ARB2A: variants seen among roughly 807,000 people sequenced by gnomAD.
ARB2A encodes ARB2 cotranscriptional regulator A.
the ARB2A span, among the ~76,000 whole-genome samples, chr5:94,006,175 T>A: frequency 1.3e-5 from 2 of 152,146 alleles, no homozygotes; most frequent in Non-Finnish European, 2.9e-5. Context: ...CTTTGATACA[T>A]CCCTATCATC....
chr5:93,790,399 C>A, the ARB2A span, among the ~76,000 whole-genome samples: 2 of 152,198 alleles, frequency 1.3e-5, no homozygotes, highest in African/African-American at 2.4e-5. Context: ...ACAAATATTA[C>A]TTTAAAAAAG....
the ARB2A span, among the ~76,000 whole-genome samples, chr5:93,718,845 C>A: frequency 1.3e-5 from 2 of 152,158 alleles, no homozygotes; most frequent in African/African-American, 4.8e-5. Flanking sequence ...TTTTTCTCAT[C>A]TCTCTAAAGG....
the ARB2A span, among the ~76,000 whole-genome samples, chr5:94,010,634 C>A: frequency 6.6e-6 from 1 of 152,044 alleles, no homozygotes; most frequent in Admixed American, 6.5e-5. Flanking sequence ...TTCTCTGGAG[C>A]CTTCTCATTT....
chr5:93,738,215 T>A, the ARB2A span: 1 of 158,984 alleles, frequency 6.3e-6, no homozygotes, highest in Non-Finnish European at 1.4e-5. Context: ...ACATCATTAG[T>A]CATTAGAGAA....
chr5:93,922,703 GAAAC>G, the ARB2A span, among the ~76,000 whole-genome samples: 1 of 147,610 alleles, frequency 6.8e-6, no homozygotes, highest in Non-Finnish European at 1.5e-5. Context: ...AGGAAGGAAA[GAAAC>G]AACCAACTTG....
the ARB2A span, among the ~76,000 whole-genome samples, chr5:93,708,530 C>T: frequency 6.6e-6 from 1 of 152,198 alleles, no homozygotes; most frequent in Non-Finnish European, 1.5e-5. Flanking sequence ...TCATAAGAAG[C>T]TCAACCTAGA....
At chr5:94,050,757 GGTTCCATCTGT>G in the ARB2A span, 19 of 1,611,358 alleles carry the variant, frequency 1.2e-5, no homozygotes, top group Non-Finnish European at 1.6e-5. Flanking sequence ...TATCTTTTCT[GGTTCCATCTGT>G]GTAAATCTTC....
At chr5:93,928,836 T>C in the ARB2A span, among the ~76,000 whole-genome samples, 6 of 152,098 alleles carry the variant, frequency 3.9e-5, no homozygotes, top group South Asian at 8.3e-4. Context: ...ATAAAAACTG[T>C]TGATGGGCTA....
chr5:93,821,205 C>T, the ARB2A span, among the ~76,000 whole-genome samples: 1 of 151,964 alleles, frequency 6.6e-6, no homozygotes, highest in South Asian at 2.1e-4. Flanking sequence ...TTTTGAAATT[C>T]ATGACATAAC....
the ARB2A span, among the ~76,000 whole-genome samples, chr5:93,967,796 C>A: frequency 6.6e-6 from 1 of 152,068 alleles, no homozygotes; most frequent in Non-Finnish European, 1.5e-5. Context: ...CCTAGCTGAC[C>A]TGGCAGAAAG....
At chr5:94,091,578 GA>G in the ARB2A span, among the ~76,000 whole-genome samples, 1 of 152,170 alleles carries the variant, frequency 6.6e-6, no homozygotes, top group African/African-American at 2.4e-5. Context: ...ATGAAGAGTG[GA>G]AACTGAAGCA....
chr5:93,630,933 C>A, the ARB2A span, among the ~76,000 whole-genome samples: 1 of 152,042 alleles, frequency 6.6e-6, no homozygotes, highest in Non-Finnish European at 1.5e-5. Flanking sequence ...TGCTTTGTCA[C>A]CCAGGCTGGA....
At chr5:93,934,961 T>A in the ARB2A span, among the ~76,000 whole-genome samples, 17 of 152,114 alleles carry the variant, frequency 1.1e-4, no homozygotes, top group Non-Finnish European at 2.2e-4. Flanking sequence ...TTATTCTAAG[T>A]GAAGTGACTC....
At chr5:93,981,709 T>TA in the ARB2A span, among the ~76,000 whole-genome samples, 1 of 151,924 alleles carries the variant, frequency 6.6e-6, no homozygotes, top group Non-Finnish European at 1.5e-5. Context: ...GGTGAAAGGG[T>TA]AGCTAATATG....
chr5:93,960,605 T>C, the ARB2A span, among the ~76,000 whole-genome samples: 58 of 152,162 alleles, frequency 3.8e-4, no homozygotes, highest in Non-Finnish European at 6.8e-4. Flanking sequence ...ACTTTTGGAA[T>C]GAGGAATCTT....
At chr5:93,967,013 T>C in the ARB2A span, among the ~76,000 whole-genome samples, 1 of 150,080 alleles carries the variant, frequency 6.7e-6, no homozygotes. Flanking sequence ...AAGTTCAAGA[T>C]TTAAAAAAAA....
chr5:93,945,409 C>T, the ARB2A span, among the ~76,000 whole-genome samples: 1 of 132,366 alleles, frequency 7.6e-6, no homozygotes, highest in South Asian at 2.4e-4. Flanking sequence ...AGCAAGATTC[C>T]ATCTCAAAAA....
At chr5:94,044,889 G>A in the ARB2A span, among the ~76,000 whole-genome samples, 1 of 151,870 alleles carries the variant, frequency 6.6e-6, no homozygotes, top group Non-Finnish European at 1.5e-5. Context: ...CTACCAAGGC[G>A]GGTGGATCAC....
At chr5:93,917,910 T>G in the ARB2A span, among the ~76,000 whole-genome samples, 167 of 152,178 alleles carry the variant, frequency 1.1e-3, no homozygotes, top group African/African-American at 3.9e-3. Context: ...TCTTTCAACA[T>G]TTATAATGTA....
Sources: allele counts gnomAD v4.1 joint callset (sites outside exome capture counted in the v4.1 genomes callset), GRCh38; gene constraint gnomAD v4.1.1; transcripts MANE v1.5; gene names NCBI Gene and HGNC (gene_info 2026-07-23, HGNC 2026-07-21).